Variants in MERTK observed in about 807,000 individuals in gnomAD.
MERTK encodes tyrosine-protein kinase Mer.
A neutral mutation model predicts 99.3 loss-of-function variants in MERTK; 69 were observed. The observed-to-expected ratio is 0.70, with a 90% confidence interval of 0.57 to 0.85. The LOEUF (loss-of-function observed/expected upper bound fraction) is 0.85. MERTK is among the 40% of genes least tolerant of loss of function. The probability of loss-of-function intolerance (pLI) is 0.00; values close to 1 mark genes in which losing one functional copy is unlikely to be tolerated. For missense variants in MERTK, 1,125 were observed against 1,249.4 expected (o/e 0.90, Z 1.50); for synonymous variants, 426 against 467.6 (o/e 0.91, Z 1.15).
At chr2:111,980,412 CT>C (rs34831521) in intron 7 of MERTK, among the ~76,000 whole-genome samples, 601 of 100,998 alleles carry the variant, frequency 6.0e-3, no homozygotes, top group South Asian at 0.015. Context: ...GCAACTATTT[CT>C]TTTTTTTTTT....
chr2:111,910,275 T>TG (rs1406302388), intron 1 of MERTK, among the ~76,000 whole-genome samples: 3 of 149,538 alleles, frequency 2.0e-5, no homozygotes, highest in East Asian at 1.9e-4. Context: ...TGTTTTTTGT[T>TG]TTTTTTTTTT....
intron 15 of MERTK, among the ~76,000 whole-genome samples, chr2:112,019,039 G>A (rs980949789): frequency 6.6e-6 from 1 of 151,486 alleles, no homozygotes; most frequent in Non-Finnish European, 1.5e-5. Context: ...CACACACCTC[G>A]CCGCTGCTGA....
intron 4 of MERTK, among the ~76,000 whole-genome samples, chr2:111,964,936 C>A (rs1685333076): frequency 6.6e-6 from 1 of 152,128 alleles, no homozygotes; most frequent in Admixed American, 6.5e-5. Context: ...TGCTTTATTA[C>A]CTAATGTCTC....
chr2:112,006,930 A>G (rs936670188), intron 13 of MERTK, among the ~76,000 whole-genome samples: 1 of 152,204 alleles, frequency 6.6e-6, no homozygotes, highest in Non-Finnish European at 1.5e-5. Flanking sequence ...AGGATGGTAT[A>G]GACACTGCAT....
chr2:111,905,433 C>CTTTTTTTTTTTTTT (rs61232340), intron 1 of MERTK, among the ~76,000 whole-genome samples: 2 of 85,276 alleles, frequency 2.3e-5, no homozygotes, highest in South Asian at 4.8e-4. Flanking sequence ...CTACACTGTT[C>CTTTTTTTTTTTTTT]TTTTTTTTTT....
At chr2:111,989,047 T>TA (rs1676553367) in intron 8 of MERTK, among the ~76,000 whole-genome samples, 2 of 152,308 alleles carry the variant, frequency 1.3e-5, no homozygotes, top group African/African-American at 4.8e-5. Flanking sequence ...AAGGTTGGGC[T>TA]AAAAACCTCA....
chr2:111,898,841 C>CAGGAGGAAGCAGGGGCCTCTG, intron 1 of MERTK, 45 bp downstream of exon 1: 1 of 1,544,542 alleles, frequency 6.5e-7, no homozygotes, highest in Non-Finnish European at 8.7e-7. Context: ...TGGGGGCTCC[C>CAGGAGGAAGCAGGGGCCTCTG]AGGAGGAAGC....
At chr2:111,901,111 C>T (rs151328793) in intron 1 of MERTK, among the ~76,000 whole-genome samples, 35 of 152,300 alleles carry the variant, frequency 2.3e-4, no homozygotes, top group Admixed American at 1.1e-3. Flanking sequence ...AGGAGCATTT[C>T]GAGGCTTTCC....
At chr2:111,916,962 C>A (rs1220995441) in intron 1 of MERTK, among the ~76,000 whole-genome samples, 1 of 152,140 alleles carries the variant, frequency 6.6e-6, no homozygotes, top group African/African-American at 2.4e-5. Context: ...GGTCAGGTGG[C>A]AGTTCCGGCT....
chr2:112,012,725 T>G (rs1019231828), intron 15 of MERTK, among the ~76,000 whole-genome samples: 1 of 152,134 alleles, frequency 6.6e-6, no homozygotes, highest in South Asian at 2.1e-4. Context: ...CGGTAACTTA[T>G]GAACTTAATA....
At chr2:111,970,862 CCTCCTTCTT>C (rs1455976339) in intron 6 of MERTK, among the ~76,000 whole-genome samples, 98 of 139,356 alleles carry the variant, frequency 7.0e-4, no homozygotes, top group African/African-American at 2.7e-3. Flanking sequence ...TCCTCCTTCT[CCTCCTTCTT>C]CTCCTTCTTC....
rs755995135 is a variant in MERTK at position 112,021,580 on chromosome 2, T to C, written c.2348T>C (p.Val783Ala). The C allele has an allele frequency of 6.2e-6, 10 of 1,611,842 alleles. No homozygotes were observed. The highest frequency in any genetic ancestry group is 8.5e-6 in the Non-Finnish European group (10 of 1,178,330). ...ADRVYTSKSD[V>A]WAFGVTMWEI... is the part of the protein sequence containing the mutation. ...CGAGTCTACACAAGTAAAAGTGATG[T>C]GGTATGTACACAGCTTTGATTCAGG... The change falls in exon 17 of 19, where the codon GTG becomes GCG. Residue 783 changes from valine (V) to alanine (A), a missense_variant and splice_region_variant. Coordinates refer to ENST00000295408, the MANE Select transcript of MERTK (RefSeq NM_006343.3).
chr2:111,906,138 C>T (rs532645731), intron 1 of MERTK, among the ~76,000 whole-genome samples: 3 of 152,202 alleles, frequency 2.0e-5, no homozygotes, highest in Non-Finnish European at 4.4e-5. Context: ...GGTTAGTGCT[C>T]TGCCCTAGGT....
intron 6 of MERTK, among the ~76,000 whole-genome samples, chr2:111,971,998 G>C (rs763985961): frequency 1.3e-5 from 2 of 151,768 alleles, no homozygotes; most frequent in African/African-American, 4.8e-5. Context: ...AATATCCAGG[G>C]CCTCTTTCCC....
intron 1 of MERTK, among the ~76,000 whole-genome samples, chr2:111,916,518 G>T (rs927448767): frequency 6.6e-6 from 1 of 151,516 alleles, no homozygotes; most frequent in Non-Finnish European, 1.5e-5. Context: ...TAAATTTTTG[G>T]TTATTGTATT....
At chr2:111,910,109 A>G (rs1185245858) in intron 1 of MERTK, among the ~76,000 whole-genome samples, 1 of 152,120 alleles carries the variant, frequency 6.6e-6, no homozygotes, top group Non-Finnish European at 1.5e-5. Context: ...TACTAGAAAT[A>G]AAAAAATTAG....
At chr2:111,987,365 CT>C (rs1206284615) in intron 8 of MERTK, among the ~76,000 whole-genome samples, 1 of 152,136 alleles carries the variant, frequency 6.6e-6, no homozygotes, top group Non-Finnish European at 1.5e-5. Flanking sequence ...TGATACCTAC[CT>C]TTTTTGTTCT....
intron 2 of MERTK, among the ~76,000 whole-genome samples, chr2:111,937,847 A>T (rs545964069): frequency 6.6e-6 from 1 of 152,282 alleles, no homozygotes; most frequent in African/African-American, 2.4e-5. Flanking sequence ...GGTGGCAGGT[A>T]AAAACAGGGC....
intron 1 of MERTK, among the ~76,000 whole-genome samples, chr2:111,899,331 A>AG (rs1255719890): frequency 6.6e-6 from 1 of 151,852 alleles, no homozygotes; most frequent in Non-Finnish European, 1.5e-5. Flanking sequence ...GCGACGGGCC[A>AG]GGGGGGGACG....
Sources: gnomAD v4.1 joint callset for allele counts (sites outside exome capture counted in the v4.1 genomes callset) on GRCh38, gnomAD v4.1.1 for gene constraint, MANE v1.5 for transcripts, NCBI Gene and HGNC (gene_info 2026-07-23, HGNC 2026-07-21) for gene names.